Variants in RGSL1 observed in about 807,000 individuals in gnomAD.
The protein encoded by RGSL1 is regulator of G protein signaling like 1.
A neutral mutation model predicts 124.7 loss-of-function variants in RGSL1; 97 were observed. The ratio of observed to expected loss-of-function variants is 0.78; its 90% CI spans 0.66 to 0.92. The LOEUF (loss-of-function observed/expected upper bound fraction) is 0.92. RGSL1 is among the 40% of genes least tolerant of loss of function. The pLI is 0.00. For synonymous variants in RGSL1, 424 were observed against 438.1 expected (o/e 0.97, Z 0.40); for missense variants, 1,233 against 1,288.4 (o/e 0.96, Z 0.66).
chr1:182,465,437 G>A (rs542077493), intron 4 of RGSL1, among the ~76,000 whole-genome samples: 1 of 144,036 alleles, frequency 6.9e-6, no homozygotes, highest in East Asian at 2.1e-4. Flanking sequence ...CACAGGAAGG[G>A]GAACATCACA....
At chr1:182,487,429 A>C (rs1200794879) in intron 6 of RGSL1, among the ~76,000 whole-genome samples, 1 of 152,158 alleles carries the variant, frequency 6.6e-6, no homozygotes, top group Non-Finnish European at 1.5e-5. Context: ...CCCACACTGA[A>C]GTACTCATGA....
At chr1:182,520,670 A>T (rs1488456358) in intron 9 of RGSL1, among the ~76,000 whole-genome samples, 5 of 151,894 alleles carry the variant, frequency 3.3e-5, no homozygotes, top group African/African-American at 1.2e-4. Context: ...GGTGTTTTGT[A>T]TTGGGAGGGT....
intron 16 of RGSL1, 94 bp from the exon 17 acceptor site, chr1:182,548,604 TGG>T: frequency 6.6e-7 from 1 of 1,520,946 alleles, no homozygotes; most frequent in Non-Finnish European, 8.8e-7. Flanking sequence ...GTATGCCTTT[TGG>T]AGAGGGGGTG....
intron 4 of RGSL1, among the ~76,000 whole-genome samples, chr1:182,461,339 T>C (rs2101999836): frequency 6.7e-6 from 1 of 149,694 alleles, no homozygotes; most frequent in South Asian, 2.1e-4. Context: ...TAATAACAAC[T>C]AACAAAATTA....
chr1:182,546,090 G>A (rs1490032667), intron 15 of RGSL1, among the ~76,000 whole-genome samples: 1 of 152,022 alleles, frequency 6.6e-6, no homozygotes, highest in Non-Finnish European at 1.5e-5. Flanking sequence ...TCTTGTAGGT[G>A]TCTTCATTAC....
At chr1:182,546,184 GTTTGT>G (rs200129690) in intron 15 of RGSL1, among the ~76,000 whole-genome samples, 1,868 of 152,000 alleles carry the variant, frequency 0.012, 35 homozygotes, top group African/African-American at 0.042. Flanking sequence ...AGTACTATTT[GTTTGT>G]TTTGAGTTTC....
intron 6 of RGSL1, among the ~76,000 whole-genome samples, chr1:182,481,871 T>C (rs1654734066): frequency 6.6e-6 from 1 of 152,154 alleles, no homozygotes; most frequent in Non-Finnish European, 1.5e-5. Flanking sequence ...TCCTAGCTAC[T>C]TGGGATGCTG....
At chr1:182,559,080 A>G (rs1376650612) in intron 21 of RGSL1, among the ~76,000 whole-genome samples, 2 of 152,082 alleles carry the variant, frequency 1.3e-5, no homozygotes, top group African/African-American at 4.8e-5. Flanking sequence ...AGCTCTGACT[A>G]TTCTTTCTGA....
At chr1:182,463,467 A>T (rs1348318150) in intron 4 of RGSL1, among the ~76,000 whole-genome samples, 1 of 152,230 alleles carries the variant, frequency 6.6e-6, no homozygotes, top group Non-Finnish European at 1.5e-5. Flanking sequence ...TGGAAAAAAT[A>T]TTCCATGTAA....
At chr1:182,553,223 G>A (rs982222886) in intron 18 of RGSL1, among the ~76,000 whole-genome samples, 1 of 152,052 alleles carries the variant, frequency 6.6e-6, no homozygotes, top group Non-Finnish European at 1.5e-5. Flanking sequence ...ACCTTTTAAA[G>A]GTCTTGCCTC....
chr1:182,456,219 C>T (rs1652306757), intron 2 of RGSL1, among the ~76,000 whole-genome samples: 1 of 151,788 alleles, frequency 6.6e-6, no homozygotes, highest in South Asian at 2.1e-4. Flanking sequence ...GAAAAGGCCT[C>T]TCGGGGAGTG....
chr1:182,530,692 G>C, intron 12 of RGSL1, 98 bp from the exon 13 acceptor site: 1 of 1,332,230 alleles, frequency 7.5e-7, no homozygotes, highest in Non-Finnish European at 1.0e-6. Context: ...AATTACCACT[G>C]AGAGTTCCTC....
At chr1:182,527,842 C>A in intron 11 of RGSL1, 70 bp downstream of exon 11, 1 of 1,334,534 alleles carries the variant, frequency 7.5e-7, no homozygotes, top group Non-Finnish European at 1.0e-6. Flanking sequence ...TGGGAAATAG[C>A]CTACCTCATG....
chr1:182,452,403 G>A (rs1009975546), intron 1 of RGSL1, among the ~76,000 whole-genome samples: 1 of 152,054 alleles, frequency 6.6e-6, no homozygotes, highest in East Asian at 1.9e-4. Flanking sequence ...TGTGAACAGA[G>A]GGCAAGTGCT....
intron 11 of RGSL1, among the ~76,000 whole-genome samples, chr1:182,528,513 A>T (rs2102261627): frequency 6.6e-6 from 1 of 152,334 alleles, no homozygotes; most frequent in Middle Eastern, 3.4e-3. Flanking sequence ...TACTTCCTAG[A>T]TACAATAGAG....
At chr1:182,458,155 A>G (rs1409893437) in intron 2 of RGSL1, among the ~76,000 whole-genome samples, 164 bp from the exon 3 acceptor site, 1 of 152,218 alleles carries the variant, frequency 6.6e-6, no homozygotes, top group Non-Finnish European at 1.5e-5. Flanking sequence ...GCTTGTTTGC[A>G]TGTGTGCAGG....
chr1:182,538,337 G>C (rs768266540), intron 14 of RGSL1, among the ~76,000 whole-genome samples: 9 of 152,016 alleles, frequency 5.9e-5, no homozygotes, highest in Non-Finnish European at 1.0e-4. Flanking sequence ...AGACCAGCCT[G>C]ACCAATATGG....
chr1:182,534,982 A>G (rs191822340), intron 14 of RGSL1, among the ~76,000 whole-genome samples: 26 of 152,278 alleles, frequency 1.7e-4, no homozygotes, highest in African/African-American at 6.3e-4. Context: ...TACTTATCCA[A>G]TTTAATAGGA....
intron 6 of RGSL1, among the ~76,000 whole-genome samples, chr1:182,480,291 C>T (rs1031496775): frequency 2.0e-4 from 31 of 152,086 alleles, no homozygotes; most frequent in East Asian, 1.9e-4. Context: ...CATAGCCAGA[C>T]GTGGTGGCAC....
Sources: allele counts gnomAD v4.1 joint callset (sites outside exome capture counted in the v4.1 genomes callset), GRCh38; gene constraint gnomAD v4.1.1; transcripts MANE v1.5; gene names NCBI Gene and HGNC (gene_info 2026-07-23, HGNC 2026-07-21).